ACTN4: variants seen among roughly 807,000 people sequenced by gnomAD.
ACTN4 encodes actinin alpha 4.
In ACTN4, 18 loss-of-function variants were observed where a neutral mutation model predicts 114.2. That is an observed-to-expected ratio of 0.16 (90% confidence interval 0.11 to 0.23). The LOEUF is 0.23. Among genes scored for constraint, ACTN4 ranks in the 10% least tolerant of loss-of-function variants. The pLI, the probability that ACTN4 is intolerant of heterozygous loss-of-function variation, is 1.00. For missense variants in ACTN4, 722 were observed against 1,262.9 expected, an observed-to-expected ratio of 0.57 and a Z score of 6.49; for synonymous variants, 515 against 506.3, an observed-to-expected ratio of 1.02 and a Z score of -0.23.
At chr19:38,654,909 T>C (rs1162745306) in intron 1 of ACTN4, among the ~76,000 whole-genome samples, 1 of 152,148 alleles carries the variant, frequency 6.6e-6, no homozygotes, top group Non-Finnish European at 1.5e-5. Context: ...ATGCAAGTGT[T>C]ATCTGAAGGC....
intron 12 of ACTN4, among the ~76,000 whole-genome samples, chr19:38,723,340 G>A (rs1448458420): frequency 6.6e-6 from 1 of 152,190 alleles, no homozygotes; most frequent in African/African-American, 2.4e-5. Context: ...GGCAGAATGA[G>A]TCAGGGATGG....
chr19:38,657,603 G>A (rs1472517855), intron 1 of ACTN4, among the ~76,000 whole-genome samples: 1 of 152,280 alleles, frequency 6.6e-6, no homozygotes, highest in Non-Finnish European at 1.5e-5. Flanking sequence ...AGATTGAGGG[G>A]ACTGCAGGAA....
At chr19:38,691,407 AAAAAAAAC>A (rs1264514619) in intron 1 of ACTN4, among the ~76,000 whole-genome samples, 10 of 147,748 alleles carry the variant, frequency 6.8e-5, no homozygotes, top group South Asian at 6.6e-4. Context: ...GTCTCAAAAA[AAAAAAAAC>A]AAAAAAAACA....
rs1193442663 is a variant in ACTN4 at position 38,661,915 on chromosome 19, G to A, written c.162+14008G>A. Among the ~76,000 whole-genome samples, 5 of 152,318 alleles carry A rather than the reference G, an allele frequency of 3.3e-5. No individual in the cohort carries two copies. In the South Asian group the frequency reaches 8.3e-4, roughly 25 times the overall value. On this transcript the variant is annotated intron_variant, in intron 1 of 20. Coordinates refer to ENST00000252699, the MANE Select transcript of ACTN4 (RefSeq NM_004924.6). The stretch of plus-strand genomic sequence containing the variant: ...TATCCGCCCGCCTCGGCTTCCCAAA[G>A]TGCTGGGATTACAGGCGTGAGCCAC...
At chr19:38,704,301 A>G (rs1362630055) in intron 3 of ACTN4, among the ~76,000 whole-genome samples, 1 of 152,202 alleles carries the variant, frequency 6.6e-6, no homozygotes. Flanking sequence ...ACCCTGTCTC[A>G]AAAGAAGGAA....
At chr19:38,698,431 G>T (rs1000597214) in intron 1 of ACTN4, among the ~76,000 whole-genome samples, 4 of 152,322 alleles carry the variant, frequency 2.6e-5, no homozygotes, top group Admixed American at 1.3e-4. Context: ...GTGAGAACCT[G>T]CCTTGGCTCC....
chr19:38,678,572 C>G (rs1967450490), intron 1 of ACTN4, among the ~76,000 whole-genome samples: 1 of 152,182 alleles, frequency 6.6e-6, no homozygotes, highest in Admixed American at 6.5e-5. Flanking sequence ...CATGGAAAAT[C>G]TAGAGAAAGA....
rs754764994 is a variant in ACTN4, at chr19:38,724,411, C to T, written c.1876-20C>T. 4 of 1,612,644 alleles carry T rather than the reference C, an allele frequency of 2.5e-6. No homozygotes were observed. Among genetic ancestry groups the T allele is most frequent in the East Asian group, 2.2e-5 (1 of 44,856 alleles). On this transcript the variant is annotated intron_variant, in intron 15 of 20. Coordinates refer to ENST00000252699, the MANE Select transcript of ACTN4 (RefSeq NM_004924.6). The surrounding 1 kb of genome is among the most constrained non-coding windows in gnomAD (Gnocchi z 7.0). ...GGGGCCACCTCCCTGACCGCTCCCA[C>T]ACCGCGTCTCCTCTGCCAGGTGCAG...
chr19:38,709,567 C>T, intron 7 of ACTN4, 91 bp downstream of exon 7: 1 of 1,164,514 alleles, frequency 8.6e-7, no homozygotes, highest in South Asian at 1.2e-5. Flanking sequence ...GTGGGCACAT[C>T]AGAGCTTTGG....
intron 1 of ACTN4, among the ~76,000 whole-genome samples, chr19:38,655,735 G>C (rs768642038): frequency 2.0e-5 from 3 of 152,136 alleles, no homozygotes; most frequent in South Asian, 2.1e-4. Flanking sequence ...CAGTATCTGT[G>C]GGGGATTGGT....
intron 1 of ACTN4, among the ~76,000 whole-genome samples, chr19:38,673,658 TATATATTA>T (rs1433421997): frequency 0.25 from 7,149 of 28,860 alleles, 756 homozygotes; most frequent in South Asian, 0.36. Flanking sequence ...TATATATTTA[TATATATTA>T]TATATATTTA....
intron 8 of ACTN4, among the ~76,000 whole-genome samples, chr19:38,713,899 C>T (rs967182433): frequency 6.6e-6 from 1 of 152,162 alleles, no homozygotes; most frequent in African/African-American, 2.4e-5. Flanking sequence ...GGGACTATGT[C>T]CACCACTCTC....
At chr19:38,652,465 C>T (rs529310833) in intron 1 of ACTN4, among the ~76,000 whole-genome samples, 38 of 152,214 alleles carry the variant, frequency 2.5e-4, no homozygotes, top group South Asian at 8.3e-4. Context: ...TGGCTGGTGC[C>T]CTGGAGTGGC....
intron 1 of ACTN4, among the ~76,000 whole-genome samples, chr19:38,667,635 C>T (rs1238933628): frequency 6.6e-6 from 1 of 151,282 alleles, no homozygotes; most frequent in Non-Finnish European, 1.5e-5. Flanking sequence ...ACACTAGGTG[C>T]ACGGTGCCCC....
intron 1 of ACTN4, among the ~76,000 whole-genome samples, chr19:38,674,230 A>G (rs1354327670): frequency 1.3e-5 from 2 of 152,090 alleles, no homozygotes. Flanking sequence ...AACCTCAGAG[A>G]AGGGAACACT....
intron 1 of ACTN4, among the ~76,000 whole-genome samples, chr19:38,648,572 G>A (rs1342506964): frequency 6.6e-6 from 1 of 151,906 alleles, no homozygotes; most frequent in African/African-American, 2.4e-5. Flanking sequence ...CTTAGGGTGT[G>A]AGGAGGGTAG....
intron 1 of ACTN4, among the ~76,000 whole-genome samples, chr19:38,678,739 G>A (rs1273861714): frequency 6.6e-6 from 1 of 152,158 alleles, no homozygotes; most frequent in African/African-American, 2.4e-5. Flanking sequence ...TTCGCTGTCA[G>A]TGGTGACCAA....
At chr19:38,668,475 C>T (rs1228042609) in intron 1 of ACTN4, among the ~76,000 whole-genome samples, 1 of 152,108 alleles carries the variant, frequency 6.6e-6, no homozygotes, top group Non-Finnish European at 1.5e-5. Context: ...ATCACGAGGT[C>T]GGGAGTTTGA....
At chr19:38,690,232 G>A (rs1967879551) in intron 1 of ACTN4, among the ~76,000 whole-genome samples, 1 of 152,170 alleles carries the variant, frequency 6.6e-6, no homozygotes. Flanking sequence ...TCTGGTCCAC[G>A]TTTGTTTTGG....
Sources: gnomAD v4.1 joint callset for allele counts (sites outside exome capture counted in the v4.1 genomes callset) on GRCh38, gnomAD v4.1.1 for gene constraint, Gnocchi (gnomAD v3.1) non-coding constraint, MANE v1.5 for transcripts, NCBI Gene and HGNC (gene_info 2026-07-23, HGNC 2026-07-21) for gene names.